The following SEMA3A variants were observed in gnomAD, a reference collection of about 807,000 sequenced individuals.
SEMA3A encodes semaphorin 3A, also known as semaphorin-3A.
In SEMA3A, 29 loss-of-function variants were observed where a neutral mutation model predicts 97.9. The observed-to-expected ratio is 0.30, with a 90% CI of 0.22 to 0.40. The LOEUF (loss-of-function observed/expected upper bound fraction) is 0.40. Among genes scored for constraint, SEMA3A ranks in the 10% least tolerant of loss-of-function variants. The pLI is 1.00. For synonymous variants in SEMA3A, 321 were observed against 323.7 expected (o/e 0.99, Z 0.09); for missense variants, 763 against 951.3 (o/e 0.80, Z 2.60).
chr7:84,125,381 C>T (rs1340570534), intron 3 of SEMA3A, among the ~76,000 whole-genome samples: 2 of 152,158 alleles, frequency 1.3e-5, no homozygotes, highest in African/African-American at 4.8e-5. Context: ...AATTAAGTTC[C>T]ATAAAATTCA....
intron 2 of SEMA3A, among the ~76,000 whole-genome samples, chr7:84,335,012 C>T (rs1302777992): frequency 6.6e-6 from 1 of 152,088 alleles, no homozygotes; most frequent in African/African-American, 2.4e-5. Context: ...CAATTTCTAA[C>T]ATGCTGTATA....
intron 1 of SEMA3A, among the ~76,000 whole-genome samples, chr7:84,465,779 C>T (rs1387147000): frequency 6.6e-6 from 1 of 152,104 alleles, no homozygotes; most frequent in Non-Finnish European, 1.5e-5. Context: ...ATCTACTCTA[C>T]TCATTTTGAC....
intron 3 of SEMA3A, among the ~76,000 whole-genome samples, chr7:84,245,072 T>C (rs1272218360): frequency 1.3e-5 from 2 of 152,186 alleles, no homozygotes; most frequent in Admixed American, 6.5e-5. Flanking sequence ...TGTCTTGAGA[T>C]TGCTCTTCTC....
intron 1 of SEMA3A, among the ~76,000 whole-genome samples, chr7:84,457,692 T>C (rs1243794705): frequency 1.3e-5 from 2 of 152,104 alleles, no homozygotes; most frequent in Middle Eastern, 3.4e-3. Context: ...TAACCTCTGA[T>C]TATCCATTTG....
intron 12 of SEMA3A, among the ~76,000 whole-genome samples, chr7:83,996,712 G>C (rs1000010660): frequency 6.6e-6 from 1 of 152,130 alleles, no homozygotes; most frequent in Admixed American, 6.6e-5. Flanking sequence ...CTAACGTGTT[G>C]AGAATCACAT....
chr7:84,332,903 C>G (rs745822661), intron 2 of SEMA3A, among the ~76,000 whole-genome samples: 7 of 151,914 alleles, frequency 4.6e-5, no homozygotes, highest in Non-Finnish European at 8.8e-5. Context: ...CTTAACATTT[C>G]AGAGTTATGA....
At chr7:84,395,990 A>C (rs955160356) in intron 1 of SEMA3A, among the ~76,000 whole-genome samples, 2 of 152,166 alleles carry the variant, frequency 1.3e-5, no homozygotes, top group East Asian at 3.9e-4. Context: ...ATTGCATTAA[A>C]GCAGAATCAA....
intron 11 of SEMA3A, among the ~76,000 whole-genome samples, chr7:84,005,107 A>T (rs566610737): frequency 6.6e-6 from 1 of 152,262 alleles, no homozygotes; most frequent in African/African-American, 2.4e-5. Context: ...AATATCTAAT[A>T]CATATGGCAT....
rs1788428510 is a variant in SEMA3A at position 83,960,634 on chromosome 7, A to T, written c.*737T>A. The T allele has an allele frequency of 6.6e-6, 1 of 152,568 alleles. No homozygotes were observed. Among genetic ancestry groups the T allele is most frequent in the African/African-American group, 2.4e-5 (1 of 41,454 alleles). The allele number at this position is 152,568 out of a possible 1,614,324, so 9.5% of individuals were successfully genotyped here. The stretch of plus-strand genomic sequence containing the variant: ...ACACCATTGGAATTTTTAAAACAAA[A>T]ACTACATAGCACAATAATTGTAAGA... On this transcript the variant is annotated 3_prime_UTR_variant, in exon 17 of 17. Coordinates refer to ENST00000265362, the MANE Select transcript of SEMA3A (RefSeq NM_006080.3).
chr7:84,326,328 G>A (rs915627473), intron 2 of SEMA3A, among the ~76,000 whole-genome samples: 9 of 152,054 alleles, frequency 5.9e-5, no homozygotes, highest in African/African-American at 2.2e-4. Context: ...ATAGTATAAA[G>A]AGACAAATAT....
intron 6 of SEMA3A, among the ~76,000 whole-genome samples, chr7:84,038,581 C>T (rs149885203): frequency 0.014 from 2,115 of 152,014 alleles, 17 homozygotes; most frequent in Non-Finnish European, 0.021. Flanking sequence ...TTTACAGTTG[C>T]CGAAGTCAGA....
chr7:84,463,978 A>C (rs774494436), intron 1 of SEMA3A, among the ~76,000 whole-genome samples: 1 of 152,184 alleles, frequency 6.6e-6, no homozygotes, highest in Non-Finnish European at 1.5e-5. Flanking sequence ...TGAATGGATT[A>C]ATTAATTAAT....
intron 3 of SEMA3A, among the ~76,000 whole-genome samples, chr7:84,242,927 T>C (rs2116383161): frequency 6.6e-6 from 1 of 152,312 alleles, no homozygotes; most frequent in Non-Finnish European, 1.5e-5. Flanking sequence ...CTTTATGTGA[T>C]GGATTATGTT....
intron 2 of SEMA3A, among the ~76,000 whole-genome samples, chr7:84,313,386 A>G (rs1367558449): frequency 5.2e-5 from 5 of 95,726 alleles, no homozygotes; most frequent in East Asian, 3.8e-4. Context: ...ATATATATAT[A>G]TATATATATA....
chr7:84,106,885 C>T (rs1442950406), intron 4 of SEMA3A, among the ~76,000 whole-genome samples: 2 of 152,076 alleles, frequency 1.3e-5, no homozygotes, highest in South Asian at 2.1e-4. Flanking sequence ...TTAATAAAAA[C>T]AACAAATGAT....
intron 1 of SEMA3A, among the ~76,000 whole-genome samples, chr7:84,185,022 G>C (rs895836910): frequency 1.3e-5 from 2 of 152,134 alleles, no homozygotes; most frequent in Non-Finnish European, 2.9e-5. Flanking sequence ...CAAGACCTGT[G>C]TCCAAATCCT....
chr7:83,991,531 G>C (rs545094430), intron 12 of SEMA3A, among the ~76,000 whole-genome samples: 36 of 151,758 alleles, frequency 2.4e-4, no homozygotes, highest in South Asian at 2.1e-3. Flanking sequence ...TAGCATGAAG[G>C]GTTGTTGAAT....
At chr7:84,223,673 A>C (rs1798930123) in intron 3 of SEMA3A, among the ~76,000 whole-genome samples, 1 of 151,834 alleles carries the variant, frequency 6.6e-6, no homozygotes, top group Non-Finnish European at 1.5e-5. Context: ...GGAATACTTT[A>C]TATGTATTTG....
chr7:84,095,297 G>A (rs1162762590), intron 4 of SEMA3A, among the ~76,000 whole-genome samples: 1 of 139,478 alleles, frequency 7.2e-6, no homozygotes, highest in East Asian at 2.0e-4. Context: ...GGCATTATAT[G>A]TATATAATGC....
Sources: gnomAD v4.1 joint callset for allele counts (sites outside exome capture counted in the v4.1 genomes callset) on GRCh38, gnomAD v4.1.1 for gene constraint, MANE v1.5 for transcripts, NCBI Gene and HGNC (gene_info 2026-07-23, HGNC 2026-07-21) for gene names.